Variants in NAALAD2 observed in about 807,000 individuals in gnomAD.
The protein encoded by NAALAD2 is N-acetylated alpha-linked acidic dipeptidase 2, also known as N-acetylated-alpha-linked acidic dipeptidase 2.
Under a neutral mutation model 95.6 loss-of-function variants are expected in NAALAD2, and 89 were observed. That is an observed-to-expected ratio of 0.93 (90% CI 0.78 to 1.11). The LOEUF (loss-of-function observed/expected upper bound fraction) is 1.11. NAALAD2 is among the 50% of genes least tolerant of loss of function. The pLI is 0.00. For synonymous variants in NAALAD2, 264 were observed against 294.4 expected (o/e 0.90, Z 1.06); for missense variants, 894 against 872.4 (o/e 1.02, Z -0.31).
In NAALAD2 at chr11:90,178,034, A is replaced by G; in HGVS notation, c.1775A>G (p.Glu592Gly). 6.2e-7 allele frequency: 1 copy of G among 1,613,902 alleles called. No homozygotes were observed. Among genetic ancestry groups the G allele is most frequent in the Non-Finnish European group, 8.5e-7 (1 of 1,179,888 alleles). Residue 592 changes from glutamate (E) to glycine (G), a missense_variant, in exon 16 of 19, where the codon GAA (glutamate) becomes GGA (glycine). Coordinates refer to ENST00000534061, the MANE Select transcript of NAALAD2 (RefSeq NM_005467.4). ...CCTTTTAATATTCAAGACTATGCAG[A>G]AGCTTTGAAAAACTATGCAGCAAGT... Reference protein sequence around the residue: ...IIPFNIQDYAEALKNYAASIY... With the variant: ...IIPFNIQDYAGALKNYAASIY...
intron 5 of NAALAD2, among the ~76,000 whole-genome samples, chr11:90,151,090 T>A (rs7111027): frequency 0.39 from 59,819 of 151,846 alleles, 11,917 homozygotes; most frequent in South Asian, 0.49. Flanking sequence ...GAGAGTTATG[T>A]AATACATTGG....
At chr11:90,190,049 T>G (rs565532923) in intron 18 of NAALAD2, among the ~76,000 whole-genome samples, 21 of 152,340 alleles carry the variant, frequency 1.4e-4, no homozygotes, top group African/African-American at 5.0e-4. Context: ...TTGAGTTGCT[T>G]AAGCATTACC....
chr11:90,187,294 G>A (rs574982962), intron 18 of NAALAD2, among the ~76,000 whole-genome samples: 3 of 151,928 alleles, frequency 2.0e-5, no homozygotes, highest in South Asian at 4.1e-4. Flanking sequence ...ACTAGAAATA[G>A]CATTTGACCC....
chr11:90,144,013 C>A (rs1951686065), intron 2 of NAALAD2, among the ~76,000 whole-genome samples: 1 of 152,066 alleles, frequency 6.6e-6, no homozygotes, highest in Non-Finnish European at 1.5e-5. Context: ...ATTATCAAGG[C>A]ACATCAGATA....
Position 90,191,555 on chromosome 11 carries a change from T to C in NAALAD2, c.2034-3T>C. On this transcript the variant is annotated splice_polypyrimidine_tract_variant and splice_region_variant and intron_variant, in intron 18 of 18. Transcript: ENST00000534061. ...TCAATTTGCCTTGTTTTCTTCCTTT[T>C]AGGCACATCATATTTGCTCCAAGTA... 6.4e-7 allele frequency: 1 copy of C among 1,569,226 alleles called. No individual in the cohort carries two copies. Among genetic ancestry groups the C allele is most frequent in the Non-Finnish European group, 8.6e-7 (1 of 1,159,482 alleles).
At chr11:90,167,451 G>A (rs1003877154) in intron 11 of NAALAD2, among the ~76,000 whole-genome samples, 2 of 152,162 alleles carry the variant, frequency 1.3e-5, no homozygotes, top group Admixed American at 1.3e-4. Context: ...CTGCACAGCC[G>A]GAGCCTCCCG....
chr11:90,175,928 A>ATGTGTGTGTGTGTGTGTGTG, intron 14 of NAALAD2, 44 bp from the exon 15 acceptor site: 1 of 971,990 alleles, frequency 1.0e-6, no homozygotes, highest in Non-Finnish European at 1.6e-6. Context: ...TTACTTGTTT[A>ATGTGTGTGTGTGTGTGTGTG]TGTGTGTGTG....
chr11:90,135,613 G>T lies in NAALAD2; in HGVS notation c.137G>T (p.Ser46Ile), dbSNP rs1171427196. ...ETTTSVRYHQ[S>I]IRWKLVSEMK... Reference sequence around the variant, plus strand: ...ACCACTTCTGTGCGCTATCATCAAAGTATACGGTGGAAACTGGTATCCGAA... The same window carrying T: ...ACCACTTCTGTGCGCTATCATCAAATTATACGGTGGAAACTGGTATCCGAA... Residue 46 changes from serine (S) to isoleucine (I), a missense_variant, in exon 2 of 19, where the codon AGT becomes ATT. Ser to Ile is a moderately radical substitution (Grantham distance 142). Coordinates refer to ENST00000534061, the MANE Select transcript of NAALAD2 (RefSeq NM_005467.4). The T allele has an allele frequency of 7.4e-6, 12 of 1,613,550 alleles. No individual in the cohort carries two copies. The highest frequency in any genetic ancestry group is 1.0e-5 in the Non-Finnish European group (12 of 1,179,740).
Position 90,163,413 on chromosome 11 carries a change from A to G in NAALAD2, c.1179A>G (p.Gly393=). The change falls in exon 10 of 19, where the codon GGA becomes GGG. Residue 393 remains glycine, a synonymous_variant. Transcript: ENST00000534061. ...TGCAAGAAATTGCCCGGAGTTTTGG[A>G]AAACTGATGAGTAAAGGTAAACAAC... ...AVLQEIARSF[G]KLMSKGWRPR... is the part of the protein sequence containing the mutation. 1 of 1,614,084 alleles carries G rather than the reference A, an allele frequency of 6.2e-7. No individual in the cohort carries two copies. The highest frequency in any genetic ancestry group is 8.5e-7 in the Non-Finnish European group (1 of 1,179,936).
At chr11:90,153,438 A>C (rs1951943798) in intron 6 of NAALAD2, among the ~76,000 whole-genome samples, 1 of 152,106 alleles carries the variant, frequency 6.6e-6, no homozygotes. Flanking sequence ...CTATGTCCTC[A>C]CCAACATTTA....
At chr11:90,187,757 C>A (rs10501710) in intron 18 of NAALAD2, among the ~76,000 whole-genome samples, 1 of 151,862 alleles carries the variant, frequency 6.6e-6, no homozygotes, top group Admixed American at 6.6e-5. Context: ...TTTTATGAAC[C>A]TCAAGAATGG....
chr11:90,159,094 A>G (rs1167667591), intron 7 of NAALAD2, 145 bp from the exon 8 acceptor site: 3 of 649,746 alleles, frequency 4.6e-6, no homozygotes, highest in Non-Finnish European at 8.1e-6. Context: ...AGCTCCACAA[A>G]GGGCGGGCTT....
At chr11:90,170,621 A>G (rs1219393477) in intron 13 of NAALAD2, among the ~76,000 whole-genome samples, 1 of 152,208 alleles carries the variant, frequency 6.6e-6, no homozygotes, top group Non-Finnish European at 1.5e-5. Context: ...AGGAATTAGA[A>G]TTCACTAGAA....
upstream of NAALAD2, among the ~76,000 whole-genome samples, chr11:90,132,927 T>G (rs576338211): frequency 1.3e-5 from 2 of 152,312 alleles, no homozygotes; most frequent in East Asian, 1.9e-4. Context: ...GGACTTAAAT[T>G]GCATGCAAAC....
intron 16 of NAALAD2, 127 bp downstream of exon 16, chr11:90,178,244 A>G (rs1797055627): frequency 1.8e-6 from 2 of 1,096,654 alleles, no homozygotes; most frequent in Non-Finnish European, 2.6e-6. Flanking sequence ...TTTGACTTCT[A>G]CACAAAAACT....
intron 12 of NAALAD2, 22 bp from the exon 13 acceptor site, chr11:90,170,047 C>T (rs949390194): frequency 1.4e-6 from 2 of 1,389,820 alleles, no homozygotes; most frequent in Admixed American, 1.7e-5. Context: ...AAATAATACT[C>T]TGTGTCTTAT....
Position 90,135,548 on chromosome 11 carries a change from T to C in NAALAD2, c.83-11T>C. 6.3e-7 allele frequency: 1 copy of C among 1,593,264 alleles called. No homozygotes were observed. Among genetic ancestry groups the C allele is most frequent in the South Asian group, 1.1e-5 (1 of 89,250 alleles). ...TGTATGTGTGCATGTTTGTGTATTTTTTTTCCTTAGGCTGGTTTATTAAGC... is the reference window on the plus strand; with the variant it reads ...TGTATGTGTGCATGTTTGTGTATTTCTTTTCCTTAGGCTGGTTTATTAAGC... On this transcript the variant is annotated splice_polypyrimidine_tract_variant and intron_variant, in intron 1 of 18. Transcript: ENST00000534061.
Position 90,191,614 on chromosome 11 carries a change from G to T in NAALAD2, c.2090G>T (p.Gly697Val). The change falls in exon 19 of 19, where the codon GGA (glycine) becomes GTA (valine). Residue 697 changes from glycine (G) to valine (V), a missense_variant. Transcript: ENST00000534061. ...AAATATGCTGGAGAATCATTTCCTG[G>T]AATCTATGATGCTATCTTTGATATT... is the stretch of plus-strand genomic sequence containing the variant. ...HNKYAGESFP[G>V]IYDAIFDIEN... 1 of 1,604,014 alleles carries T rather than the reference G, an allele frequency of 6.2e-7. No individual in the cohort carries two copies. Among genetic ancestry groups the T allele is most frequent in the South Asian group, 1.1e-5 (1 of 88,556 alleles).
Position 90,181,830 on chromosome 11 carries a change from C to G in NAALAD2, c.1940+129C>G. 4.9e-6 allele frequency: 3 copies of G among 613,718 alleles called. No homozygotes were observed. The South Asian group carries it at 6.9e-5, about 14-fold the overall frequency. 38.0% of individuals were successfully genotyped at this position (613,718 alleles called of 1,614,324 possible). On this transcript the variant is annotated intron_variant, in intron 17 of 18. Coordinates refer to ENST00000534061, the MANE Select transcript of NAALAD2 (RefSeq NM_005467.4). ...ATTCAAATTATAGTCTGCAAATCAG[C>G]AATAGCAGTAGTACCTGAGAACTTG... is the stretch of plus-strand genomic sequence containing the variant.
Sources: allele counts gnomAD v4.1 joint callset (sites outside exome capture counted in the v4.1 genomes callset), GRCh38; gene constraint gnomAD v4.1.1; transcripts MANE v1.5; gene names NCBI Gene and HGNC (gene_info 2026-07-23, HGNC 2026-07-21).